Variants in TCAIM observed in about 807,000 individuals in gnomAD.
The protein encoded by TCAIM is T cell activation inhibitor, mitochondrial.
TCAIM carries 36 observed loss-of-function variants against 58.6 expected under a neutral mutation model. The observed-to-expected ratio is 0.61, with a 90% CI of 0.47 to 0.81. TCAIM has a LOEUF of 0.81. TCAIM is among the 30% of genes least tolerant of loss of function. TCAIM has a pLI of 0.00. For synonymous variants in TCAIM, 172 were observed against 193.6 expected (o/e 0.89, Z 0.93); for missense variants, 466 against 579.6 (o/e 0.80, Z 2.01).
At chr3:44,368,445 G>A (rs984638379) in intron 5 of TCAIM, among the ~76,000 whole-genome samples, 1 of 152,146 alleles carries the variant, frequency 6.6e-6, no homozygotes, top group Non-Finnish European at 1.5e-5. Context: ...TCTATACTAA[G>A]GGATTCCTCC....
chr3:44,405,930 C>A (rs370217566), intron 10 of TCAIM, among the ~76,000 whole-genome samples: 9 of 131,700 alleles, frequency 6.8e-5, no homozygotes, highest in African/African-American at 2.6e-4. Flanking sequence ...CCAGCCTGGG[C>A]GACAGAGCAA....
intron 1 of TCAIM, among the ~76,000 whole-genome samples, chr3:44,351,644 A>G (rs9869821): frequency 0.65 from 98,155 of 151,328 alleles, 32,675 homozygotes; most frequent in East Asian, 0.97. Flanking sequence ...ACAGGGTCCC[A>G]CTACCACACC....
chr3:44,341,776 T>C (rs919390214), intron 1 of TCAIM, among the ~76,000 whole-genome samples: 1 of 152,198 alleles, frequency 6.6e-6, no homozygotes, highest in Non-Finnish European at 1.5e-5. Context: ...CTTATGCATA[T>C]TCTACTTAAG....
intron 5 of TCAIM, among the ~76,000 whole-genome samples, chr3:44,392,329 A>AT (rs1051673272): frequency 7.9e-5 from 12 of 151,468 alleles, no homozygotes; most frequent in African/African-American, 2.4e-4. Flanking sequence ...TCTGAGTACA[A>AT]TTTTTTTTTA....
intron 1 of TCAIM, among the ~76,000 whole-genome samples, chr3:44,344,411 G>A (rs1464936289): frequency 6.6e-6 from 1 of 152,144 alleles, no homozygotes; most frequent in Non-Finnish European, 1.5e-5. Context: ...GTCTTCAGCT[G>A]CTGTGTCAAA....
At chr3:44,401,574 T>C (rs1377265185) in intron 10 of TCAIM, among the ~76,000 whole-genome samples, 1 of 152,148 alleles carries the variant, frequency 6.6e-6, no homozygotes, top group African/African-American at 2.4e-5. Context: ...AAAATAAGAA[T>C]ATCAGCAAGG....
At chr3:44,405,844 TG>T (rs67881371) in intron 10 of TCAIM, among the ~76,000 whole-genome samples, 76,325 of 149,668 alleles carry the variant, frequency 0.51, 20,048 homozygotes, top group East Asian at 0.81. Context: ...CCCAGCTACT[TG>T]GGAGGCTGAG....
intron 5 of TCAIM, among the ~76,000 whole-genome samples, chr3:44,378,367 G>A (rs1328960989): frequency 6.6e-6 from 1 of 151,676 alleles, no homozygotes; most frequent in East Asian, 1.9e-4. Context: ...GCGACAGAGT[G>A]AGACTCTGTC....
chr3:44,382,452 C>A (rs1701669170), intron 5 of TCAIM, among the ~76,000 whole-genome samples: 1 of 152,156 alleles, frequency 6.6e-6, no homozygotes. Flanking sequence ...TAAATACTTG[C>A]ATATATGGTC....
At chr3:44,395,012 C>A (rs528895123) in intron 6 of TCAIM, among the ~76,000 whole-genome samples, 45 of 129,766 alleles carry the variant, frequency 3.5e-4, no homozygotes, top group Non-Finnish European at 4.8e-4. Flanking sequence ...ATAAAAGGGT[C>A]CCTGAGACCA....
rs1003935103 is a variant in TCAIM at position 44,364,297 on chromosome 3, G to A, written c.319+2779G>A. Among the ~76,000 whole-genome samples, 6 of 151,088 alleles carry A rather than the reference G, an allele frequency of 4.0e-5. No individual in the cohort carries two copies. The South Asian group carries it at 1.3e-3, about 32-fold the overall frequency. On this transcript the variant is annotated intron_variant, in intron 4 of 10. Coordinates refer to ENST00000342649, the MANE Select transcript of TCAIM (RefSeq NM_173826.4). ...AAATTAAACTAGAAATGGGAGAAAAGATATAGCATATATGACAAAAAGATG... is the reference window on the plus strand; with the variant it reads ...AAATTAAACTAGAAATGGGAGAAAAAATATAGCATATATGACAAAAAGATG...
rs1702134488 is a variant in TCAIM at position 44,408,492 on chromosome 3, A to G, written c.*810A>G. ...ATAACCAGTTTATTGAAACGTGTGCATTAACAGAGAATTTAATTTTAAACC... is the reference window on the plus strand; with the variant it reads ...ATAACCAGTTTATTGAAACGTGTGCGTTAACAGAGAATTTAATTTTAAACC... On this transcript the variant is annotated 3_prime_UTR_variant, in exon 11 of 11. Transcript: ENST00000342649. The G allele has an allele frequency of 6.6e-6, 1 of 152,248 alleles. No individual in the cohort carries two copies. Among genetic ancestry groups the G allele is most frequent in the Admixed American group, 6.5e-5 (1 of 15,290 alleles). 9.4% of individuals were successfully genotyped at this position (152,248 alleles called of 1,614,324 possible).
intron 10 of TCAIM, among the ~76,000 whole-genome samples, chr3:44,401,981 C>T (rs1702028038): frequency 1.3e-5 from 2 of 151,248 alleles, no homozygotes; most frequent in African/African-American, 4.9e-5. Flanking sequence ...TGCAGTGAGC[C>T]GAGATCATGC....
chr3:44,357,337 CTCTG>C lies in TCAIM; in HGVS notation c.30-399_30-396del, dbSNP rs1482926163. Among the ~76,000 whole-genome samples, 3 of 150,992 alleles carry C rather than the reference CTCTG, an allele frequency of 2.0e-5. No homozygotes were observed. In the Admixed American group the frequency reaches 2.0e-4, roughly 10 times the overall value. On this transcript the variant is annotated intron_variant, in intron 2 of 10. Transcript: ENST00000342649. ...CTCCAGCCTGGGCAACAAAGCAAGA[CTCTG>C]TCTGAAAGAAAAAAAGAGAGAAAGA... is the stretch of plus-strand genomic sequence containing the variant.
At chr3:44,381,195 A>G (rs1011396709) in intron 5 of TCAIM, among the ~76,000 whole-genome samples, 3 of 152,208 alleles carry the variant, frequency 2.0e-5, no homozygotes, top group African/African-American at 4.8e-5. Context: ...CTTTATGAAC[A>G]TTAATACAAA....
chr3:44,370,934 T>C (rs1333309550), intron 5 of TCAIM, among the ~76,000 whole-genome samples: 1 of 140,726 alleles, frequency 7.1e-6, no homozygotes, highest in Non-Finnish European at 1.5e-5. Context: ...TTTTTAAAGA[T>C]GGAGTCTCAC....
At chr3:44,351,207 T>C (rs542936941) in intron 1 of TCAIM, among the ~76,000 whole-genome samples, 6 of 152,284 alleles carry the variant, frequency 3.9e-5, no homozygotes, top group African/African-American at 1.4e-4. Context: ...CAGGCTGGTC[T>C]CGAACTCCTG....
intron 6 of TCAIM, among the ~76,000 whole-genome samples, chr3:44,394,936 A>G (rs1396691118): frequency 9.0e-5 from 6 of 66,560 alleles, no homozygotes; most frequent in African/African-American, 1.8e-4. Flanking sequence ...ATATATATAT[A>G]TATATATATA....
At chr3:44,379,296 C>T (rs369532525) in intron 5 of TCAIM, among the ~76,000 whole-genome samples, 8 of 152,246 alleles carry the variant, frequency 5.3e-5, no homozygotes, top group South Asian at 2.1e-4. Flanking sequence ...GTTAAACCAT[C>T]GTGGAAAGTA....
Sources: allele counts gnomAD v4.1 joint callset (sites outside exome capture counted in the v4.1 genomes callset), GRCh38; gene constraint gnomAD v4.1.1; transcripts MANE v1.5; gene names NCBI Gene and HGNC (gene_info 2026-07-23, HGNC 2026-07-21).